Variants in GOLGA4 observed in about 807,000 individuals in gnomAD.
GOLGA4 encodes the protein golgin subfamily A member 4.
GOLGA4 carries 169 observed loss-of-function variants against 265.9 expected under a neutral mutation model. That is an observed-to-expected ratio of 0.64 (90% CI 0.56 to 0.72). GOLGA4 has a LOEUF of 0.72. Ranked by LOEUF, GOLGA4 falls within the 30% of genes least tolerant of loss-of-function variation. The pLI, the probability that GOLGA4 is intolerant of heterozygous loss-of-function variation, is 0.00. For synonymous variants in GOLGA4, 923 were observed against 855.8 expected (o/e 1.08, Z -1.37); for missense variants, 2,482 against 2,483.4 (o/e 1.00, Z 0.01).
At chr3:37,276,672 A>T in intron 2 of GOLGA4, 1 of 1,330,542 alleles carries the variant, frequency 7.5e-7, no homozygotes, top group Non-Finnish European at 1.1e-6. Context: ...TAGGCCAAGC[A>T]ACTAGTTTTC....
intron 20 of GOLGA4, among the ~76,000 whole-genome samples, chr3:37,341,925 A>G (rs1396008143): frequency 6.6e-6 from 1 of 152,096 alleles, no homozygotes; most frequent in Non-Finnish European, 1.5e-5. Flanking sequence ...TGTCTTTTTT[A>G]AAACATTATT....
chr3:37,328,233 G>GACACACACACACACACACAC (rs4021346), intron 14 of GOLGA4, among the ~76,000 whole-genome samples, 183 bp from the exon 15 acceptor site: 2 of 138,440 alleles, frequency 1.4e-5, no homozygotes, highest in African/African-American at 5.3e-5. Flanking sequence ...TATGTACCTG[G>GACACACACACACACACACAC]ACACACACAC....
intron 10 of GOLGA4, among the ~76,000 whole-genome samples, chr3:37,314,710 A>G (rs1490695877): frequency 6.6e-6 from 1 of 151,182 alleles, no homozygotes; most frequent in Non-Finnish European, 1.5e-5. Flanking sequence ...TCTAGCCAAG[A>G]TGATTATTTT....
At chr3:37,315,667 CTT>C in intron 11 of GOLGA4, 69 bp downstream of exon 11, 1 of 1,239,686 alleles carries the variant, frequency 8.1e-7, no homozygotes. Context: ...TCCTTACACT[CTT>C]TGACTGTAAA....
At chr3:37,285,684 G>A (rs1048390409) in intron 3 of GOLGA4, among the ~76,000 whole-genome samples, 1 of 152,252 alleles carries the variant, frequency 6.6e-6, no homozygotes, top group African/African-American at 2.4e-5. Context: ...AAGTGATGCT[G>A]TTGCTGATTT....
At chr3:37,286,134 C>CTTTTTTTTTTTTTTTTTTTTTTTTTTT (rs1559383108) in intron 4 of GOLGA4, 73 bp downstream of exon 4, 1 of 145,648 alleles carries the variant, frequency 6.9e-6, no homozygotes, top group Non-Finnish European at 1.3e-5. Context: ...TAAGATATTT[C>CTTTTTTTTTTTTTTTTTTTTTTTTTTT]TTTCTTTTTT....
intron 10 of GOLGA4, among the ~76,000 whole-genome samples, chr3:37,309,248 T>C (rs920802353): frequency 4.2e-5 from 5 of 118,200 alleles, no homozygotes; most frequent in Non-Finnish European, 7.1e-5. Flanking sequence ...CGAGACTCTG[T>C]TTCAAAAATA....
chr3:37,320,916 T>C (rs1399331487), intron 12 of GOLGA4, among the ~76,000 whole-genome samples: 1 of 152,208 alleles, frequency 6.6e-6, no homozygotes, highest in Non-Finnish European at 1.5e-5. Flanking sequence ...ATTTTAAAAT[T>C]AATGCTATGG....
chr3:37,282,325 A>C, intron 3 of GOLGA4, 53 bp downstream of exon 3: 126 of 1,296,870 alleles, frequency 9.7e-5, no homozygotes, highest in Non-Finnish European at 1.2e-4. Flanking sequence ...TTGTTCTCTC[A>C]TTCATATTAC....
intron 1 of GOLGA4, chr3:37,244,225 G>C (rs1427717216): frequency 6.6e-6 from 1 of 152,522 alleles, no homozygotes; most frequent in Non-Finnish European, 1.5e-5. Context: ...CCGGCGTCCA[G>C]CGCCCGAGGC....
Position 37,262,848 on chromosome 3 carries a change from G to A in GOLGA4, c.162+11364G>A, listed in dbSNP as rs1225468110. On this transcript the variant is annotated intron_variant, in intron 2 of 23. Transcript: ENST00000361924. ...ATGATGTGCCTCATAATGATGTTTTGTTCAGTGATGGACTGCATATATGAC... is the reference window on the plus strand; with the variant it reads ...ATGATGTGCCTCATAATGATGTTTTATTCAGTGATGGACTGCATATATGAC... Among the ~76,000 whole-genome samples the A allele has an allele frequency of 2.0e-5, 3 of 151,928 alleles. No individual in the cohort carries two copies. The East Asian group carries it at 5.8e-4, about 29-fold the overall frequency.
At chr3:37,354,613 T>A (rs1162534169) in intron 21 of GOLGA4, among the ~76,000 whole-genome samples, 1 of 152,102 alleles carries the variant, frequency 6.6e-6, no homozygotes, top group Non-Finnish European at 1.5e-5. Flanking sequence ...TCTATTAGGT[T>A]GATGTGCTGC....
At chr3:37,365,953 C>A in intron 23 of GOLGA4, 127 bp from the exon 24 acceptor site, 1 of 676,858 alleles carries the variant, frequency 1.5e-6, no homozygotes, top group South Asian at 2.4e-5. Context: ...CTCTTTACTG[C>A]AGTCTCTAGA....
At chr3:37,282,937 C>T (rs758872967) in intron 3 of GOLGA4, among the ~76,000 whole-genome samples, 1 of 152,180 alleles carries the variant, frequency 6.6e-6, no homozygotes, top group Non-Finnish European at 1.5e-5. Flanking sequence ...GCATCCTATG[C>T]AGTTAAAACA....
At chr3:37,319,334 A>T in intron 12 of GOLGA4, 140 bp downstream of exon 12, 1 of 576,676 alleles carries the variant, frequency 1.7e-6, no homozygotes, top group Non-Finnish European at 3.0e-6. Flanking sequence ...GATAGAGAGT[A>T]GGCAAGCTGT....
chr3:37,337,361 G>A (rs550800575), intron 18 of GOLGA4, among the ~76,000 whole-genome samples, 198 bp downstream of exon 18: 1 of 151,790 alleles, frequency 6.6e-6, no homozygotes, highest in South Asian at 2.1e-4. Context: ...ACCACGCCCG[G>A]CCAATTTTTT....
intron 16 of GOLGA4, among the ~76,000 whole-genome samples, chr3:37,333,784 T>C (rs2096999754): frequency 6.6e-6 from 1 of 152,256 alleles, no homozygotes; most frequent in Admixed American, 6.5e-5. Flanking sequence ...AGATCTCTGC[T>C]GTACTTATGT....
chr3:37,324,157 A>C lies in GOLGA4; in HGVS notation c.2271A>C (p.Gln757His). 6.2e-7 allele frequency: 1 copy of C among 1,614,086 alleles called. No homozygotes were observed. The highest frequency in any genetic ancestry group is 1.1e-5 in the South Asian group (1 of 91,074). ...IQRTEKALKD[Q>H]INQLELLLKE... ...GGACTGAGAAGGCATTAAAAGATCA[A>C]ATTAATCAACTTGAGCTTCTCTTGA... The change falls in exon 14 of 24, where the codon CAA (glutamine) becomes CAC (histidine). Residue 757 changes from glutamine to histidine, a missense_variant. By Grantham distance (24) the Gln-to-His change is conservative. Coordinates refer to ENST00000361924, the MANE Select transcript of GOLGA4 (RefSeq NM_002078.5).
At chr3:37,361,429 A>G (rs1170811872) in intron 23 of GOLGA4, 124 bp downstream of exon 23, 2 of 596,712 alleles carry the variant, frequency 3.4e-6, no homozygotes, top group South Asian at 5.1e-5. Flanking sequence ...ATGGGTTAAT[A>G]TAAGTATTTT....
Sources: allele counts gnomAD v4.1 joint callset (sites outside exome capture counted in the v4.1 genomes callset), GRCh38; gene constraint gnomAD v4.1.1; transcripts MANE v1.5; gene names NCBI Gene and HGNC (gene_info 2026-07-23, HGNC 2026-07-21).